The following LNX1 variants were observed in gnomAD, a reference collection of about 807,000 sequenced individuals.
The protein encoded by LNX1 is E3 ubiquitin-protein ligase LNX.
LNX1 carries 54 observed loss-of-function variants against 68.4 expected under a neutral mutation model. The ratio of observed to expected loss-of-function variants is 0.79; its 90% CI spans 0.63 to 0.99. LNX1 has a LOEUF of 0.99. LNX1 is among the 50% of genes least tolerant of loss of function. The pLI is 0.00. For missense variants in LNX1, 906 were observed against 926.4 expected (o/e 0.98, Z 0.29); for synonymous variants, 336 against 350.0 (o/e 0.96, Z 0.45).
rs146048328 is a variant in LNX1, at chr4:53,491,936, C to T, written c.1350+4087G>A. On this transcript the variant is annotated intron_variant, in intron 6 of 10. Coordinates refer to ENST00000263925, the MANE Select transcript of LNX1 (RefSeq NM_001126328.3). ...CCAAGTAGCTGGGATCACAGGCGTG[C>T]GCCCCCACCCCTGGCTAATTTTGTA... 7.1e-3 allele frequency among the ~76,000 whole-genome samples: 1,083 copies of T among 151,836 alleles called. 12 individuals carry two copies. The highest frequency in any genetic ancestry group is 0.025 in the African/African-American group (1,025 of 41,392).
intron 9 of LNX1, among the ~76,000 whole-genome samples, chr4:53,475,162 A>G (rs1198818513): frequency 6.6e-6 from 1 of 152,244 alleles, no homozygotes; most frequent in African/African-American, 2.4e-5. Context: ...TTGTATTTGG[A>G]GCAAAAAGCA....
At chr4:53,501,299 T>TTTTGGG (rs56165716) in intron 4 of LNX1, among the ~76,000 whole-genome samples, 4 of 38,790 alleles carry the variant, frequency 1.0e-4, no homozygotes, top group Non-Finnish European at 1.4e-4. Context: ...TTTTTTTTTT[T>TTTTGGG]GGGGGTGGGG....
At chr4:53,572,379 G>A (rs140022085) in intron 2 of LNX1, among the ~76,000 whole-genome samples, 1,769 of 152,280 alleles carry the variant, frequency 0.012, 30 homozygotes, top group African/African-American at 0.04. Flanking sequence ...CTGGCTGAAC[G>A]TCTTGGGGAG....
At chr4:53,648,400 A>G (rs1734970955) in intron 1 of LNX1, among the ~76,000 whole-genome samples, 1 of 152,102 alleles carries the variant, frequency 6.6e-6, no homozygotes, top group African/African-American at 2.4e-5. Context: ...AGCCATTTAT[A>G]TATCTTCTTT....
intron 1 of LNX1, among the ~76,000 whole-genome samples, chr4:53,637,326 T>C (rs537016881): frequency 2.0e-5 from 3 of 151,712 alleles, no homozygotes; most frequent in African/African-American, 7.3e-5. Context: ...ACCCACTAAA[T>C]GAATCTCTTT....
chr4:53,651,283 G>T (rs1468557445), intron 1 of LNX1, among the ~76,000 whole-genome samples: 1 of 152,188 alleles, frequency 6.6e-6, no homozygotes, highest in Non-Finnish European at 1.5e-5. Flanking sequence ...CCTCTTTAGG[G>T]GAGCCCCACC....
intron 9 of LNX1, among the ~76,000 whole-genome samples, chr4:53,471,390 A>G (rs1161843026): frequency 6.6e-6 from 1 of 152,176 alleles, no homozygotes; most frequent in East Asian, 1.9e-4. Context: ...TAAAAACCCT[A>G]GAAGAAAACC....
intron 1 of LNX1, among the ~76,000 whole-genome samples, chr4:53,644,793 G>A (rs376026498): frequency 4.3e-4 from 66 of 152,298 alleles, no homozygotes; most frequent in African/African-American, 1.1e-3. Context: ...CTGGAAGGTC[G>A]TTATTACCAA....
In LNX1 at chr4:53,639,868, C is replaced by T. The variant is rs140838609; in HGVS notation, c.-215+12300G>A. On this transcript the variant is annotated intron_variant, in intron 1 of 2. Coordinates refer to the LNX1 transcript ENST00000507168. The stretch of plus-strand genomic sequence containing the variant: ...GCAACATGGTGAAACCCTGTCTCTA[C>T]TAAAAATAAAAAAAATTAGCCAGGC... 1.7e-3 allele frequency among the ~76,000 whole-genome samples: 265 copies of T among 152,038 alleles called. 2 individuals carry two copies. Among genetic ancestry groups the T allele is most frequent in the African/African-American group, 6.2e-3 (256 of 41,488 alleles).
At chr4:53,469,072 C>G (rs1199090251) in intron 9 of LNX1, among the ~76,000 whole-genome samples, 1 of 151,570 alleles carries the variant, frequency 6.6e-6, no homozygotes, top group East Asian at 1.9e-4. Flanking sequence ...TATTCCATAA[C>G]TGACCACATA....
At chr4:53,627,179 A>T (rs2109867255) in intron 1 of LNX1, among the ~76,000 whole-genome samples, 1 of 152,338 alleles carries the variant, frequency 6.6e-6, no homozygotes, top group Non-Finnish European at 1.5e-5. Context: ...AGGGAGAAGG[A>T]AAGCGTAGCT....
intron 1 of LNX1, among the ~76,000 whole-genome samples, chr4:53,590,080 C>G (rs76516048): frequency 6.6e-6 from 1 of 151,918 alleles, no homozygotes; most frequent in Non-Finnish European, 1.5e-5. Context: ...GCCAAACCCC[C>G]CCCCTTAAAC....
At chr4:53,504,807 A>T (rs961000465) in intron 4 of LNX1, among the ~76,000 whole-genome samples, 13 of 152,370 alleles carry the variant, frequency 8.5e-5, no homozygotes, top group Admixed American at 8.5e-4. Context: ...GAAGAGAGAC[A>T]TGGGGAAATG....
rs1420505684 is a variant in LNX1, at chr4:53,568,581, G to T, written c.380+5042C>A. Among the ~76,000 whole-genome samples the T allele has an allele frequency of 2.7e-4, 4 of 14,734 alleles. 1 individual carries two copies. Among genetic ancestry groups the T allele is most frequent in the Admixed American group, 1.1e-3 (2 of 1,872 alleles). The allele number at this position is 14,734 out of a possible 152,430, so 9.7% of individuals were successfully genotyped here. On this transcript the variant is annotated intron_variant, in intron 2 of 10. Coordinates refer to ENST00000263925, the MANE Select transcript of LNX1 (RefSeq NM_001126328.3). ...AACTGGAAGCATTCCCTTTGAAAAC[G>T]GGCACAAGACAGGGGGGCACAAGAC...
chr4:53,641,056 C>T (rs760310746), intron 1 of LNX1, among the ~76,000 whole-genome samples: 2 of 152,166 alleles, frequency 1.3e-5, no homozygotes, highest in Non-Finnish European at 2.9e-5. Context: ...GGAGGCGACT[C>T]GGCACAGGCT....
intron 10 of LNX1, 89 bp downstream of exon 10, chr4:53,461,346 A>G (rs1232791798): frequency 8.6e-6 from 9 of 1,050,094 alleles, no homozygotes; most frequent in African/African-American, 6.3e-5. Flanking sequence ...AAGTATAATA[A>G]ATACATGCCT....
At chr4:53,502,172 G>A (rs546121076) in intron 4 of LNX1, among the ~76,000 whole-genome samples, 15 of 152,146 alleles carry the variant, frequency 9.9e-5, no homozygotes, top group Non-Finnish European at 1.3e-4. Flanking sequence ...ATTGAGCTAA[G>A]CTACTTGAAT....
chr4:53,536,667 G>A lies in LNX1; in HGVS notation c.381-28440C>T, dbSNP rs112150726. ...GTTTTGCAAATACTGATGTGACACA[G>A]CTTCCTCAAATGAATGCTTTAAATG... On this transcript the variant is annotated intron_variant, in intron 2 of 10. Coordinates refer to ENST00000263925, the MANE Select transcript of LNX1 (RefSeq NM_001126328.3). Among the ~76,000 whole-genome samples the A allele has an allele frequency of 8.1e-3, 1,234 of 152,302 alleles. 14 individuals are homozygous for A. Among genetic ancestry groups the A allele is most frequent in the African/African-American group, 0.026 (1,063 of 41,544 alleles).
chr4:53,490,623 G>A lies in LNX1; in HGVS notation c.1350+5400C>T, dbSNP rs1579398813. Among the ~76,000 whole-genome samples the A allele has an allele frequency of 2.0e-5, 3 of 152,324 alleles. No homozygotes were observed. The South Asian group carries it at 6.2e-4, about 32-fold the overall frequency. Reference sequence around the variant, plus strand: ...TTCCCTGAAGTAATGCAGAAAAAAAGCTGAATGTGGGGTACTGTGGGAGAG... The same window carrying A: ...TTCCCTGAAGTAATGCAGAAAAAAAACTGAATGTGGGGTACTGTGGGAGAG... On this transcript the variant is annotated intron_variant, in intron 6 of 10. Coordinates refer to ENST00000263925, the MANE Select transcript of LNX1 (RefSeq NM_001126328.3).
Sources: gnomAD v4.1 joint callset for allele counts (sites outside exome capture counted in the v4.1 genomes callset) on GRCh38, gnomAD v4.1.1 for gene constraint, MANE v1.5 for transcripts, NCBI Gene and HGNC (gene_info 2026-07-23, HGNC 2026-07-21) for gene names.